Variants in ATPAF1 observed in about 807,000 individuals in gnomAD.
ATPAF1 encodes ATP synthase mitochondrial F1 complex assembly factor 1, also known as homolog of yeast ATP11.
ATPAF1 carries 26 observed loss-of-function variants against 43.9 expected under a neutral mutation model. That is an observed-to-expected ratio of 0.59 (90% confidence interval 0.43 to 0.82). The LOEUF (loss-of-function observed/expected upper bound fraction) is 0.82, where lower values mean the gene tolerates loss of function less well. Among genes scored for constraint, ATPAF1 ranks in the 40% least tolerant of loss-of-function variants. The probability of loss-of-function intolerance (pLI) is 0.00; values close to 1 mark genes in which losing one functional copy is unlikely to be tolerated. For synonymous variants in ATPAF1, 157 were observed against 168.0 expected (o/e 0.93, Z 0.50); for missense variants, 366 against 435.0 (o/e 0.84, Z 1.41).
At position 46,668,135 on chromosome 1, in the gene ATPAF1, C is replaced by T; in HGVS notation, c.188G>A (p.Ser63Asn). 4 of 1,418,232 alleles carry T rather than the reference C, an allele frequency of 2.8e-6. No homozygotes were observed. The highest frequency in any genetic ancestry group is 3.7e-6 in the Non-Finnish European group (4 of 1,086,066). The allele number at this position is 1,418,232 out of a possible 1,614,324, so 87.9% of individuals were successfully genotyped here. A position where few individuals can be genotyped will look rare whatever the true frequency, so the allele number is the denominator to read the frequency against. Residue 63 changes from serine to asparagine, a missense_variant, in exon 1 of 9, where the codon AGC (serine) becomes AAC (asparagine). Transcript: ENST00000574428. The surrounding 1 kb of genome is among the most constrained non-coding windows in gnomAD (Gnocchi z 4.4). ...GAGCTCGGCCTCGGCCCCGACCCCG[C>T]TGCTGTCGGCGCCCCCCTCGGGCCG...
At chr1:46,643,232 T>C (rs923494405) in exon 8 of ATPAF1, 2 of 1,614,022 alleles carry the variant, frequency 1.2e-6, no homozygotes, top group Non-Finnish European at 1.7e-6. Flanking sequence ...ATCAGCACTA[T>C]GCCCTTTTCT....
At chr1:46,641,167 G>T (rs1675942657) in intron 8 of ATPAF1, among the ~76,000 whole-genome samples, 1 of 151,798 alleles carries the variant, frequency 6.6e-6, no homozygotes, top group Admixed American at 6.6e-5. Context: ...AACCTTTGCT[G>T]CTGGGGCTTA....
chr1:46,638,464 A>G (rs780449191), intron 8 of ATPAF1, among the ~76,000 whole-genome samples: 4 of 152,034 alleles, frequency 2.6e-5, no homozygotes, highest in Non-Finnish European at 4.4e-5. Context: ...TACAAATACA[A>G]AAACAAAATT....
intron 8 of ATPAF1, 38 bp downstream of exon 8, chr1:46,643,156 T>C (rs736188): frequency 0.95 from 1,454,755 of 1,527,406 alleles, 701,933 homozygotes; most frequent in Non-Finnish European, 1. Flanking sequence ...TTCAGTGCCA[T>C]GAGGTAAATC....
intron 3 of ATPAF1, 68 bp downstream of exon 3, chr1:46,658,619 G>A: frequency 8.1e-7 from 1 of 1,234,896 alleles, no homozygotes; most frequent in Admixed American, 2.3e-5. Context: ...GTTCAAATTT[G>A]CAGCCTCTTG....
chr1:46,660,266 T>C (rs1187662015), intron 2 of ATPAF1, among the ~76,000 whole-genome samples: 1 of 152,164 alleles, frequency 6.6e-6, no homozygotes, highest in Non-Finnish European at 1.5e-5. Flanking sequence ...CATGAGCCAC[T>C]GTGCCTGATG....
intron 8 of ATPAF1, among the ~76,000 whole-genome samples, chr1:46,638,477 C>G (rs190960455): frequency 1.1e-4 from 17 of 152,142 alleles, no homozygotes; most frequent in African/African-American, 4.1e-4. Context: ...ACAAAATTAG[C>G]TGGGCGTGGT....
chr1:46,638,926 C>T (rs1007132486), intron 8 of ATPAF1, among the ~76,000 whole-genome samples: 1 of 152,166 alleles, frequency 6.6e-6, no homozygotes, highest in Non-Finnish European at 1.5e-5. Flanking sequence ...CAAGTCCTGA[C>T]TATTTTATTC....
Position 46,668,224 on chromosome 1 carries a change from G to A in ATPAF1, c.99C>T (p.Ala33=). The change falls in exon 1 of 9, where the codon GCC becomes GCT. Residue 33 remains alanine, a synonymous_variant. Coordinates refer to ENST00000574428, the Ensembl canonical transcript of ATPAF1. This position sits in a 1 kb window ranked among gnomAD's most constrained non-coding sequence, Gnocchi z 4.4. ...CGGGTGACACGAGCCCCAGGCCCAG[G>A]GCGCGGCTGCGCACCGCGCACAGGC... 7.3e-7 allele frequency: 1 copy of A among 1,370,598 alleles called. No individual in the cohort carries two copies. The highest frequency in any genetic ancestry group is 1.5e-5 in the African/African-American group (1 of 66,090). The allele number at this position is 1,370,598 out of a possible 1,614,324, so 84.9% of individuals were successfully genotyped here.
At chr1:46,647,634 T>C (rs1034732931) in intron 6 of ATPAF1, among the ~76,000 whole-genome samples, 6 of 152,202 alleles carry the variant, frequency 3.9e-5, no homozygotes, top group African/African-American at 1.4e-4. Flanking sequence ...CACAAGTCAT[T>C]CTATGGACAT....
rs746999085 is a variant in ATPAF1, at chr1:46,668,293, A to G, written c.30T>C (p.Gly10=). The G allele has an allele frequency of 8.7e-6, 12 of 1,376,158 alleles. No homozygotes were observed. Among genetic ancestry groups the G allele is most frequent in the Non-Finnish European group, 1.1e-5 (12 of 1,060,202 alleles). The allele number at this position is 1,376,158 out of a possible 1,614,324, so 85.2% of individuals were successfully genotyped here. The change falls in exon 1 of 9, where the codon GGT becomes GGC. Residue 10 remains glycine, a synonymous_variant. Transcript: ENST00000574428. The surrounding 1 kb of genome is among the most constrained non-coding windows in gnomAD (Gnocchi z 4.4). ...CCTGCAGGACCGCCGGTCCCGCGCCACCCGCAGCCGCCACCACCACAGCAG... is the reference window on the plus strand; with the variant it reads ...CCTGCAGGACCGCCGGTCCCGCGCCGCCCGCAGCCGCCACCACCACAGCAG...
intron 8 of ATPAF1, among the ~76,000 whole-genome samples, chr1:46,639,915 G>A (rs1675919227): frequency 6.6e-6 from 1 of 152,190 alleles, no homozygotes; most frequent in Non-Finnish European, 1.5e-5. Flanking sequence ...GGTAAAAATG[G>A]CAAACAGCAG....
chr1:46,661,953 G>A (rs1172258541), intron 2 of ATPAF1, among the ~76,000 whole-genome samples: 7 of 150,292 alleles, frequency 4.7e-5, no homozygotes, highest in African/African-American at 1.7e-4. Flanking sequence ...GGAGTGCAGT[G>A]GTGTGATCTC....
In ATPAF1 at chr1:46,637,254, C is replaced by G. The variant is rs189565028; in HGVS notation, c.793-1284G>C. Among the ~76,000 whole-genome samples, 203 of 152,244 alleles carry G rather than the reference C, an allele frequency of 1.3e-3. 1 individual carries two copies. Among genetic ancestry groups the G allele is most frequent in the Non-Finnish European group, 2.6e-3 (175 of 68,014 alleles). On this transcript the variant is annotated intron_variant, in intron 8 of 8. Transcript: ENST00000574428. Reference sequence around the variant, plus strand: ...AATTAGCCAGATGTGGTGGCATGAGCCTGTAGTCCTAGCTACTCGGGAGGC... The same window carrying G: ...AATTAGCCAGATGTGGTGGCATGAGGCTGTAGTCCTAGCTACTCGGGAGGC...
At chr1:46,665,339 G>C in exon 2 of ATPAF1, 1 of 1,614,202 alleles carries the variant, frequency 6.2e-7, no homozygotes, top group Non-Finnish European at 8.5e-7. Flanking sequence ...TTCTCCAGGC[G>C]GGACTCAAAA....
At chr1:46,633,382 C>A, downstream of ATPAF1, 1 of 202,596 alleles carries the variant, frequency 4.9e-6, no homozygotes, top group Non-Finnish European at 9.9e-6. Context: ...TCACAATAAT[C>A]CTATGAGGTA....
At chr1:46,649,475 G>A (rs1676123464) in intron 6 of ATPAF1, among the ~76,000 whole-genome samples, 1 of 152,134 alleles carries the variant, frequency 6.6e-6, no homozygotes, top group Admixed American at 6.5e-5. Flanking sequence ...AAGTCCTCAA[G>A]CTTTGTTCTT....
exon 9 of ATPAF1, chr1:46,635,853 T>C: frequency 1.9e-6 from 3 of 1,614,224 alleles, no homozygotes; most frequent in Non-Finnish European, 2.5e-6. Context: ...ATGACAGACA[T>C]ATATTTGAAC....
chr1:46,645,133 C>T, intron 7 of ATPAF1, 28 bp downstream of exon 7: 1 of 1,577,346 alleles, frequency 6.3e-7, no homozygotes, highest in Non-Finnish European at 8.7e-7. Flanking sequence ...GTCCTCTTTC[C>T]TCTAGAGGAA....
Sources: allele counts gnomAD v4.1 joint callset (sites outside exome capture counted in the v4.1 genomes callset), GRCh38; gene constraint gnomAD v4.1.1; non-coding constraint Gnocchi (gnomAD v3.1); transcripts MANE v1.5; gene names NCBI Gene and HGNC (gene_info 2026-07-23, HGNC 2026-07-21).